The following VMP1 variants were observed in gnomAD, a reference collection of about 807,000 sequenced individuals.
The protein encoded by VMP1 is ectopic P-granules autophagy protein 3 homolog.
In VMP1, 11 loss-of-function variants were observed where a neutral mutation model predicts 56.0. The ratio of observed to expected loss-of-function variants is 0.20; its 90% CI spans 0.12 to 0.32. The LOEUF (loss-of-function observed/expected upper bound fraction) is 0.32. Ranked by LOEUF, VMP1 falls within the 10% of genes least tolerant of loss-of-function variation. VMP1 has a pLI of 1.00. For synonymous variants in VMP1, 149 were observed against 165.0 expected (o/e 0.90, Z 0.74); for missense variants, 296 against 490.3 (o/e 0.60, Z 3.74).
intron 10 of VMP1, among the ~76,000 whole-genome samples, chr17:59,834,343 A>C (rs2038910933): frequency 6.6e-6 from 1 of 150,708 alleles, no homozygotes; most frequent in South Asian, 2.1e-4. Flanking sequence ...GCTCACTGCA[A>C]CCTCCGCCTC....
At chr17:59,801,141 T>C (rs932411758) in intron 7 of VMP1, among the ~76,000 whole-genome samples, 2 of 146,770 alleles carry the variant, frequency 1.4e-5, no homozygotes, top group African/African-American at 5.1e-5. Context: ...TGTGTGTGTG[T>C]GTGTGTGTAT....
intron 5 of VMP1, among the ~76,000 whole-genome samples, chr17:59,756,624 T>G (rs2143939273): frequency 6.6e-6 from 1 of 152,362 alleles, no homozygotes; most frequent in Admixed American, 6.5e-5. Context: ...GGGAGCCGTC[T>G]AGAGTGGAAG....
intron 10 of VMP1, among the ~76,000 whole-genome samples, chr17:59,825,967 A>AT (rs1399145335): frequency 1.3e-5 from 2 of 152,244 alleles, no homozygotes; most frequent in African/African-American, 4.8e-5. Context: ...ATTTTAGAGG[A>AT]TAAAATGGTC....
At chr17:59,756,975 G>A (rs779159693) in intron 5 of VMP1, among the ~76,000 whole-genome samples, 15 of 152,090 alleles carry the variant, frequency 9.9e-5, no homozygotes, top group Non-Finnish European at 1.9e-4. Flanking sequence ...TAAATCATGA[G>A]CCGCTGTAGT....
intron 7 of VMP1, among the ~76,000 whole-genome samples, chr17:59,790,923 G>A (rs575075188): frequency 1.3e-5 from 2 of 152,102 alleles, no homozygotes; most frequent in African/African-American, 4.8e-5. Flanking sequence ...AGCCTTTCTA[G>A]AGAATGTAAT....
intron 6 of VMP1, among the ~76,000 whole-genome samples, chr17:59,772,540 G>A (rs1052557728): frequency 2.0e-5 from 3 of 151,622 alleles, no homozygotes; most frequent in South Asian, 2.1e-4. Context: ...AGGCCGAGGC[G>A]GGTGAATCAC....
chr17:59,734,341 C>T (rs920836458), intron 2 of VMP1, among the ~76,000 whole-genome samples: 2 of 152,152 alleles, frequency 1.3e-5, no homozygotes, highest in Non-Finnish European at 2.9e-5. Flanking sequence ...GTAACATATA[C>T]AACGCGGATG....
At chr17:59,717,129 A>G (rs553282247) in intron 1 of VMP1, among the ~76,000 whole-genome samples, 2 of 151,834 alleles carry the variant, frequency 1.3e-5, no homozygotes, top group South Asian at 4.2e-4. Flanking sequence ...ACTGGCGCCC[A>G]CCACCACGCC....
At chr17:59,823,447 CAAA>C (rs71145578) in intron 10 of VMP1, among the ~76,000 whole-genome samples, 11 of 122,186 alleles carry the variant, frequency 9.0e-5, no homozygotes, top group Non-Finnish European at 6.6e-5. Context: ...AGATATGTCT[CAAA>C]AAAAAAAAAA....
intron 10 of VMP1, among the ~76,000 whole-genome samples, chr17:59,825,292 T>A (rs1057106252): frequency 6.6e-6 from 1 of 151,322 alleles, no homozygotes; most frequent in Non-Finnish European, 1.5e-5. Context: ...TAGGCTGGTC[T>A]CAAACTCCTG....
At chr17:59,788,815 A>AG (rs1350398201) in intron 7 of VMP1, among the ~76,000 whole-genome samples, 3 of 151,876 alleles carry the variant, frequency 2.0e-5, no homozygotes, top group African/African-American at 7.3e-5. Flanking sequence ...AAAAAAAAAA[A>AG]AAAAGAAAGA....
At chr17:59,727,880 A>G (rs1457424046) in intron 1 of VMP1, among the ~76,000 whole-genome samples, 1 of 152,224 alleles carries the variant, frequency 6.6e-6, no homozygotes, top group Non-Finnish European at 1.5e-5. Context: ...GTGAATCCAA[A>G]CAATGAAGGA....
At chr17:59,817,187 T>G (rs1436697700) in intron 9 of VMP1, among the ~76,000 whole-genome samples, 1 of 137,382 alleles carries the variant, frequency 7.3e-6, no homozygotes, top group Non-Finnish European at 1.5e-5. Context: ...GGCAGGAGAA[T>G]CGCTTGAACC....
intron 3 of VMP1, 80 bp downstream of exon 3, chr17:59,735,553 G>T: frequency 6.8e-7 from 1 of 1,469,014 alleles, no homozygotes; most frequent in Non-Finnish European, 9.4e-7. Flanking sequence ...CTTACTTTCT[G>T]CCCTCTACTC....
intron 5 of VMP1, among the ~76,000 whole-genome samples, chr17:59,748,894 A>T (rs59106967): frequency 0.88 from 128,240 of 145,700 alleles, 56,223 homozygotes; most frequent in East Asian, 0.98. Flanking sequence ...ATTATTATTT[A>T]TTTTTTTTTT....
At chr17:59,820,426 A>ATCAT (rs1235681441) in intron 10 of VMP1, among the ~76,000 whole-genome samples, 2 of 152,178 alleles carry the variant, frequency 1.3e-5, no homozygotes, top group Non-Finnish European at 2.9e-5. Flanking sequence ...GTACCTCCCA[A>ATCAT]TCATGACAAT....
intron 8 of VMP1, among the ~76,000 whole-genome samples, chr17:59,811,065 G>A (rs548465957): frequency 3.0e-4 from 45 of 152,238 alleles, no homozygotes; most frequent in African/African-American, 9.6e-4. Context: ...TATAAATTGT[G>A]TCACATAGCC....
At chr17:59,823,862 G>A (rs2038541785) in intron 10 of VMP1, among the ~76,000 whole-genome samples, 5 of 152,124 alleles carry the variant, frequency 3.3e-5, no homozygotes, top group Admixed American at 2.6e-4. Flanking sequence ...ATAAAGGAGA[G>A]ATAACTTGTC....
Position 59,841,281 on chromosome 17 carries a change from C to T in VMP1, c.*1370C>T. On this transcript the variant is annotated 3_prime_UTR_variant, in exon 12 of 12. Transcript: ENST00000262291. ...TGTACCACCTTGTCGGGTAGCTTAT[C>T]AGACTGATGTTGACTGTTGAATCTC... The T allele has an allele frequency of 2.0e-6, 1 of 508,896 alleles. No individual in the cohort carries two copies. The highest frequency in any genetic ancestry group is 4.2e-6 in the Non-Finnish European group (1 of 239,972). The allele number at this position is 508,896 out of a possible 1,614,324, so 31.5% of individuals were successfully genotyped here.
Sources: gnomAD v4.1 joint callset for allele counts (sites outside exome capture counted in the v4.1 genomes callset) on GRCh38, gnomAD v4.1.1 for gene constraint, MANE v1.5 for transcripts, NCBI Gene and HGNC (gene_info 2026-07-23, HGNC 2026-07-21) for gene names.